Variants in FANCB observed in about 807,000 individuals in gnomAD.
The protein encoded by FANCB is FA complementation group B.
FANCB carries 5 observed loss-of-function variants against 38.9 expected under a neutral mutation model. The observed-to-expected ratio is 0.13, with a 90% CI of 0.07 to 0.27. FANCB has a LOEUF of 0.27. Among genes scored for constraint, FANCB ranks in the 10% least tolerant of loss-of-function variants. The pLI is 1.00. For missense variants in FANCB, 573 were observed against 602.7 expected (o/e 0.95, Z 0.52); for synonymous variants, 236 against 215.4 (o/e 1.10, Z -0.84).
intron 6 of FANCB, 130 bp from the exon 7 acceptor site, chrX:14,850,804 C>T: frequency 2.3e-6 from 1 of 442,323 alleles, no homozygotes; most frequent in African/African-American, 2.5e-5. Context: ...AATAACATAT[C>T]ATATTATAGA....
the FANCB span, among the ~76,000 whole-genome samples, chrX:14,820,429 T>C: frequency 8.9e-6 from 1 of 112,300 alleles, no homozygotes; most frequent in African/African-American, 3.2e-5. Context: ...TTTATTGTAT[T>C]GTAATATCCA....
chrX:14,747,138 T>G, the FANCB span, among the ~76,000 whole-genome samples: 1 of 112,078 alleles, frequency 8.9e-6, no homozygotes, highest in Non-Finnish European at 1.9e-5. Flanking sequence ...ATGCCTACCC[T>G]CCAAAATGGT....
At chrX:14,867,444 C>G (rs1220915512) in intron 2 of FANCB, among the ~76,000 whole-genome samples, 2 of 108,827 alleles carry the variant, frequency 1.8e-5, no homozygotes, top group East Asian at 5.6e-4. Context: ...CAACAACCAA[C>G]TAATTTTTGA....
the FANCB span, among the ~76,000 whole-genome samples, chrX:14,702,745 T>C: frequency 1.8e-5 from 2 of 111,379 alleles, no homozygotes; most frequent in Non-Finnish European, 3.8e-5. Flanking sequence ...GTTCAAGGGA[T>C]TGGGGGCCAT....
chrX:14,842,156 A>T (rs748918122), downstream of FANCB, among the ~76,000 whole-genome samples: 1 of 111,935 alleles, frequency 8.9e-6, no homozygotes, highest in Non-Finnish European at 1.9e-5. Flanking sequence ...TTCCATTTCC[A>T]TATGCAGAAA....
At chrX:14,858,327 G>A (rs762363666) in intron 4 of FANCB, among the ~76,000 whole-genome samples, 3 of 109,784 alleles carry the variant, frequency 2.7e-5, no homozygotes, top group South Asian at 3.9e-4. Context: ...CCCAGGGGGC[G>A]GAGGTTGCAG....
rs1304476405 is a variant in FANCB at position 14,864,818 on chromosome X, A to G, written c.693T>C (p.Pro231=). 2 of 1,208,742 alleles carry G rather than the reference A, an allele frequency of 1.7e-6. No homozygotes were observed. The highest frequency in any genetic ancestry group is 2.2e-6 in the Non-Finnish European group (2 of 892,394). The change falls in exon 3 of 10, where the codon CCT becomes CCC. Residue 231 remains proline, a synonymous_variant. Transcript: ENST00000650831. ...CATAAGTCACCACACTGCTGTAAGCAGGAGGAATAATGTATATATCACTTA... is the reference window on the plus strand; with the variant it reads ...CATAAGTCACCACACTGCTGTAAGCGGGAGGAATAATGTATATATCACTTA... ...EVLSDIYIIP[P]AYSSVVTYVH... is the part of the protein sequence containing the mutation.
At chrX:14,690,651 GTCTT>G in the FANCB span, 1 of 861,625 alleles carries the variant, frequency 1.2e-6, no homozygotes, top group East Asian at 3.1e-5. Flanking sequence ...GGCTTTCATA[GTCTT>G]TCTTTCTCTC....
the FANCB span, among the ~76,000 whole-genome samples, chrX:14,780,079 A>G: frequency 3.6e-5 from 4 of 110,840 alleles, 1 homozygote; most frequent in African/African-American, 1.4e-4. Flanking sequence ...GAATAGACCA[A>G]ATTACTTTGA....
At chrX:14,808,697 C>T in the FANCB span, among the ~76,000 whole-genome samples, 1 of 111,970 alleles carries the variant, frequency 8.9e-6, no homozygotes, top group Non-Finnish European at 1.9e-5. Context: ...CAACATAGTA[C>T]TGGAAATCCT....
At chrX:14,847,306 A>C (rs933396185) in intron 7 of FANCB, among the ~76,000 whole-genome samples, 3 of 111,765 alleles carry the variant, frequency 2.7e-5, no homozygotes, top group Non-Finnish European at 5.6e-5. Context: ...ATTACCAGGC[A>C]GATCTAAAAA....
At chrX:14,699,463 A>G in the FANCB span, among the ~76,000 whole-genome samples, 1 of 112,328 alleles carries the variant, frequency 8.9e-6, no homozygotes, top group African/African-American at 3.2e-5. Context: ...TAATTGACAC[A>G]TAATAGTTGT....
the FANCB span, among the ~76,000 whole-genome samples, chrX:14,829,733 G>A: frequency 8.9e-6 from 1 of 112,111 alleles, no homozygotes; most frequent in African/African-American, 3.2e-5. Flanking sequence ...AAGAGAGTTA[G>A]AGAGTGCTCT....
chrX:14,851,713 C>G (rs2092402511), intron 6 of FANCB, among the ~76,000 whole-genome samples: 1 of 112,013 alleles, frequency 8.9e-6, no homozygotes, highest in Admixed American at 9.5e-5. Context: ...TCTAAACAAC[C>G]CTTCCCCTTT....
the FANCB span, among the ~76,000 whole-genome samples, chrX:14,819,824 C>T: frequency 9.0e-6 from 1 of 111,281 alleles, no homozygotes; most frequent in Non-Finnish European, 1.9e-5. Context: ...CTTACGACTA[C>T]CCTGATCAGG....
chrX:14,727,785 G>A, the FANCB span, among the ~76,000 whole-genome samples: 1 of 111,877 alleles, frequency 8.9e-6, no homozygotes, highest in African/African-American at 3.3e-5. Flanking sequence ...GAAGTACTCC[G>A]ATGTTAGGCT....
At chrX:14,708,177 T>C in the FANCB span, among the ~76,000 whole-genome samples, 2 of 111,643 alleles carry the variant, frequency 1.8e-5, no homozygotes, top group Non-Finnish European at 3.8e-5. Context: ...CCCTTTCCCC[T>C]CACTCTATCT....
the FANCB span, among the ~76,000 whole-genome samples, chrX:14,750,885 T>C: frequency 9.6e-6 from 1 of 104,491 alleles, no homozygotes; most frequent in East Asian, 3.1e-4. Flanking sequence ...GAAGACATTA[T>C]TTAAAAAAAA....
chrX:14,708,638 A>T, the FANCB span, among the ~76,000 whole-genome samples: 9 of 111,611 alleles, frequency 8.1e-5, no homozygotes, highest in Non-Finnish European at 5.7e-5. Flanking sequence ...CACAGCTGGG[A>T]GAAAAGAGAG....
Sources: gnomAD v4.1 joint callset for allele counts (sites outside exome capture counted in the v4.1 genomes callset) on GRCh38, gnomAD v4.1.1 for gene constraint, MANE v1.5 for transcripts, NCBI Gene and HGNC (gene_info 2026-07-23, HGNC 2026-07-21) for gene names.